Variants in CNTN1 observed in about 807,000 individuals in gnomAD.
CNTN1 encodes the protein contactin 1, also known as contactin-1.
CNTN1 carries 38 observed loss-of-function variants against 126.4 expected under a neutral mutation model. That is an observed-to-expected ratio of 0.30 (90% CI 0.23 to 0.39). The LOEUF (loss-of-function observed/expected upper bound fraction) is 0.39. CNTN1 is among the 10% of genes least tolerant of loss of function. The probability of loss-of-function intolerance (pLI) is 1.00; values close to 1 mark genes in which losing one functional copy is unlikely to be tolerated. For missense variants in CNTN1, 1,009 were observed against 1,248.4 expected (o/e 0.81, Z 2.89); for synonymous variants, 413 against 422.6 (o/e 0.98, Z 0.28).
At chr12:40,953,590 G>A (rs1226550344) in intron 14 of CNTN1, among the ~76,000 whole-genome samples, 1 of 152,112 alleles carries the variant, frequency 6.6e-6, no homozygotes, top group Non-Finnish European at 1.5e-5. Flanking sequence ...AAACATTACA[G>A]TTGCTTCTTA....
intron 16 of CNTN1, among the ~76,000 whole-genome samples, chr12:40,984,914 T>TATA (rs1947915505): frequency 6.6e-6 from 1 of 152,064 alleles, no homozygotes; most frequent in East Asian, 1.9e-4. Context: ...TTTAAATAAG[T>TATA]TAAGAGAAGA....
intron 1 of CNTN1, among the ~76,000 whole-genome samples, chr12:40,707,307 G>C (rs1941793116): frequency 1.5e-5 from 2 of 131,852 alleles, no homozygotes; most frequent in South Asian, 4.7e-4. Context: ...GGAGTGCAGT[G>C]GTGCAATCTC....
At chr12:40,964,268 AAAAC>A (rs1419029143) in intron 15 of CNTN1, among the ~76,000 whole-genome samples, 7 of 152,186 alleles carry the variant, frequency 4.6e-5, no homozygotes, top group Non-Finnish European at 1.0e-4. Context: ...TCTGAGTTTA[AAAAC>A]AAACAAAAGA....
chr12:40,786,791 A>G (rs1023731625), intron 1 of CNTN1, among the ~76,000 whole-genome samples: 2 of 152,178 alleles, frequency 1.3e-5, no homozygotes, highest in African/African-American at 4.8e-5. Flanking sequence ...GGAATCCAGA[A>G]GATACTAGAA....
chr12:40,707,832 C>CTAATTTTAAAGTAAGATATTTT (rs1279793240), intron 1 of CNTN1, among the ~76,000 whole-genome samples: 55 of 152,180 alleles, frequency 3.6e-4, no homozygotes, highest in African/African-American at 1.3e-3. Flanking sequence ...TTCTATATTG[C>CTAATTTTAAAGTAAGATATTTT]TAATTTTAAA....
At chr12:41,032,394 A>G (rs866065081) in intron 23 of CNTN1, among the ~76,000 whole-genome samples, 250 of 151,584 alleles carry the variant, frequency 1.6e-3, no homozygotes, top group African/African-American at 5.9e-3. Context: ...GAAAAAGAAA[A>G]AAAAGAAAGA....
chr12:40,869,470 A>C (rs569114499), intron 1 of CNTN1, among the ~76,000 whole-genome samples: 2 of 151,842 alleles, frequency 1.3e-5, no homozygotes, highest in African/African-American at 4.8e-5. Flanking sequence ...GTGTCTCACT[A>C]TGTTGCCCAG....
intron 1 of CNTN1, among the ~76,000 whole-genome samples, chr12:40,884,891 T>C (rs934417688): frequency 2.0e-5 from 3 of 151,816 alleles, no homozygotes; most frequent in African/African-American, 7.2e-5. Context: ...AATTTTTTCC[T>C]TTGTATTTTC....
chr12:40,766,647 G>C (rs531213729), intron 1 of CNTN1, among the ~76,000 whole-genome samples: 1 of 152,292 alleles, frequency 6.6e-6, no homozygotes, highest in South Asian at 2.1e-4. Context: ...TTTCCCTGTG[G>C]AATTGTAATA....
intron 1 of CNTN1, among the ~76,000 whole-genome samples, chr12:40,831,447 T>C (rs1050176029): frequency 1.3e-5 from 2 of 152,184 alleles, no homozygotes; most frequent in East Asian, 1.9e-4. Context: ...CAGAAAACTT[T>C]TGCAAGTATG....
chr12:40,747,305 A>G (rs1371531568), intron 1 of CNTN1, among the ~76,000 whole-genome samples: 5 of 148,358 alleles, frequency 3.4e-5, no homozygotes, highest in South Asian at 2.2e-4. Context: ...TTGTGAAGGG[A>G]TGTGTGTGTG....
chr12:40,787,349 CT>C (rs542556916), intron 1 of CNTN1, among the ~76,000 whole-genome samples: 93 of 152,262 alleles, frequency 6.1e-4, no homozygotes, highest in African/African-American at 2.2e-3. Context: ...CTGCTTAGCA[CT>C]TTTGGGCACA....
intron 1 of CNTN1, among the ~76,000 whole-genome samples, chr12:40,864,022 T>A (rs1429639477): frequency 1.2e-5 from 1 of 83,556 alleles, no homozygotes; most frequent in East Asian, 3.3e-4. Context: ...TGCTTTCCTT[T>A]TTTTTTTTTT....
intron 14 of CNTN1, among the ~76,000 whole-genome samples, chr12:40,948,637 C>A (rs1946529762): frequency 6.6e-6 from 1 of 152,164 alleles, no homozygotes; most frequent in African/African-American, 2.4e-5. Flanking sequence ...GGCCTGACTG[C>A]CAACCCTGTA....
At chr12:40,878,009 TTTTTTG>T (rs1309025910) in intron 1 of CNTN1, among the ~76,000 whole-genome samples, 3 of 133,346 alleles carry the variant, frequency 2.2e-5, no homozygotes, top group South Asian at 2.8e-4. Flanking sequence ...TTTTTTTTTT[TTTTTTG>T]AGATAGAGTT....
chr12:40,851,311 A>AT lies in CNTN1; in HGVS notation c.-76-57041dup, dbSNP rs560545668. On this transcript the variant is annotated intron_variant, in intron 1 of 23. Coordinates refer to ENST00000551295, the MANE Select transcript of CNTN1 (RefSeq NM_001843.4). The stretch of plus-strand genomic sequence containing the variant: ...TCTCTTTCCCTCTCATTGTCCTGGC[A>AT]TTTTTCCAGTGCACTGGGGATGAAA... 1.4e-3 allele frequency among the ~76,000 whole-genome samples: 211 copies of AT among 152,266 alleles called. 2 individuals are homozygous for AT. Among genetic ancestry groups the AT allele is most frequent in the African/African-American group, 4.9e-3 (204 of 41,560 alleles).
intron 1 of CNTN1, among the ~76,000 whole-genome samples, chr12:40,871,996 C>T (rs61017903): frequency 0.023 from 3,449 of 152,102 alleles, 131 homozygotes; most frequent in African/African-American, 0.079. Context: ...ATTGGATAGT[C>T]TTTGAGAGGA....
At chr12:41,058,585 C>CT (rs546772379) in intron 23 of CNTN1, among the ~76,000 whole-genome samples, 1 of 151,984 alleles carries the variant, frequency 6.6e-6, no homozygotes, top group Admixed American at 6.6e-5. Context: ...GAAAGTTAAT[C>CT]TTTTTTTCCC....
At chr12:40,989,182 G>A (rs1948040589) in intron 16 of CNTN1, among the ~76,000 whole-genome samples, 1 of 152,114 alleles carries the variant, frequency 6.6e-6, no homozygotes, top group South Asian at 2.1e-4. Context: ...GGTGATTTTG[G>A]AAGCAGTAAA....
Sources: gnomAD v4.1 joint callset for allele counts (sites outside exome capture counted in the v4.1 genomes callset) on GRCh38, gnomAD v4.1.1 for gene constraint, MANE v1.5 for transcripts, NCBI Gene and HGNC (gene_info 2026-07-23, HGNC 2026-07-21) for gene names.